The following ZNF385D variants were observed in gnomAD, a reference collection of about 807,000 sequenced individuals.
The protein encoded by ZNF385D is zinc finger protein 385D, also known as zinc finger protein 659.
In ZNF385D, 15 loss-of-function variants were observed where a neutral mutation model predicts 35.8. The observed-to-expected ratio is 0.42, with a 90% CI of 0.28 to 0.64. The LOEUF (loss-of-function observed/expected upper bound fraction) is 0.64. ZNF385D is among the 30% of genes least tolerant of loss of function. The pLI, the probability that ZNF385D is intolerant of heterozygous loss-of-function variation, is 0.23. For missense variants in ZNF385D, 474 were observed against 494.6 expected (o/e 0.96, Z 0.39); for synonymous variants, 212 against 186.8 (o/e 1.13, Z -1.10).
At chr3:22,066,009 T>G (rs562025672) in intron 3 of ZNF385D, among the ~76,000 whole-genome samples, 94 of 152,144 alleles carry the variant, frequency 6.2e-4, no homozygotes, top group African/African-American at 2.1e-3. Context: ...AAGTGAAAAT[T>G]ATCAAAAAAT....
intron 3 of ZNF385D, among the ~76,000 whole-genome samples, chr3:21,804,398 G>A (rs760589430): frequency 8.5e-5 from 13 of 152,100 alleles, no homozygotes; most frequent in Non-Finnish European, 1.8e-4. Context: ...GGACAGTAAC[G>A]TTTTCAAGAA....
intron 2 of ZNF385D, among the ~76,000 whole-genome samples, chr3:22,191,040 ATTGT>A (rs1380210950): frequency 6.6e-6 from 1 of 152,162 alleles, no homozygotes; most frequent in Non-Finnish European, 1.5e-5. Flanking sequence ...GGCAGTAATT[ATTGT>A]TTAACATGGT....
At chr3:21,815,898 A>G (rs567958877) in intron 3 of ZNF385D, among the ~76,000 whole-genome samples, 73 of 152,326 alleles carry the variant, frequency 4.8e-4, no homozygotes, top group Middle Eastern at 3.4e-3. Context: ...TTTTAGACCA[A>G]TATCCCTGAT....
chr3:22,176,099 A>C lies in ZNF385D; in HGVS notation c.107-7064T>G, dbSNP rs995806399. ...AGTGCAGTGTGAATTTAAAATTAAA[A>C]CTACAGCATCTGGAAATTCCCAAGA... On this transcript the variant is annotated intron_variant, in intron 2 of 5. Transcript: ENST00000494108. Among the ~76,000 whole-genome samples the C allele has an allele frequency of 2.0e-5, 3 of 147,370 alleles. No homozygotes were observed. In the South Asian group the frequency reaches 6.2e-4, roughly 31 times the overall value.
chr3:22,004,714 A>C (rs1220131553), intron 3 of ZNF385D, among the ~76,000 whole-genome samples: 1 of 152,172 alleles, frequency 6.6e-6, no homozygotes, highest in Non-Finnish European at 1.5e-5. Context: ...CACTGAGATA[A>C]ATGCATATCT....
chr3:22,089,286 T>C (rs1374593351), intron 3 of ZNF385D, among the ~76,000 whole-genome samples: 1 of 152,324 alleles, frequency 6.6e-6, no homozygotes, highest in Non-Finnish European at 1.5e-5. Context: ...TCTGTAAATA[T>C]AATCCTAATA....
intron 3 of ZNF385D, among the ~76,000 whole-genome samples, chr3:21,914,467 T>C (rs1055896584): frequency 9.9e-5 from 15 of 151,834 alleles, no homozygotes; most frequent in African/African-American, 2.4e-4. Flanking sequence ...TCTCATTTGA[T>C]TGTGTTCCTA....
At chr3:21,715,984 C>T (rs7624104) in intron 1 of ZNF385D, among the ~76,000 whole-genome samples, 102,509 of 151,984 alleles carry the variant, frequency 0.67, 34,681 homozygotes, top group East Asian at 0.74. Context: ...TCTCAGGAAA[C>T]GGCAGCTTCA....
chr3:22,094,757 G>C (rs1202132481), intron 3 of ZNF385D, among the ~76,000 whole-genome samples: 2 of 152,048 alleles, frequency 1.3e-5, no homozygotes, highest in Non-Finnish European at 2.9e-5. Flanking sequence ...GTGTGATTTT[G>C]TGTCAAATGC....
At chr3:21,659,467 C>T (rs576654582) in intron 2 of ZNF385D, among the ~76,000 whole-genome samples, 33 of 152,106 alleles carry the variant, frequency 2.2e-4, no homozygotes, top group South Asian at 2.1e-4. Flanking sequence ...TCAGTTGAAA[C>T]GCAAGTGGTA....
intron 3 of ZNF385D, among the ~76,000 whole-genome samples, chr3:21,956,340 G>T (rs1702286852): frequency 6.6e-6 from 1 of 151,802 alleles, no homozygotes; most frequent in African/African-American, 2.4e-5. Context: ...TTACAAATGT[G>T]ATATTCCTCC....
Position 21,456,869 on chromosome 3 carries a change from T to C in ZNF385D, c.440-19666A>G, listed in dbSNP as rs147755393. 6.4e-4 allele frequency among the ~76,000 whole-genome samples: 97 copies of C among 152,296 alleles called. 1 individual carries two copies. The East Asian group carries it at 0.015, about 24-fold the overall frequency. ...GACTAACACCTTCTCAGTGAGGTTGTACACCATCACTCTGGATAAAATTGC... is the reference window on the plus strand; with the variant it reads ...GACTAACACCTTCTCAGTGAGGTTGCACACCATCACTCTGGATAAAATTGC... On this transcript the variant is annotated intron_variant, in intron 4 of 7. Transcript: ENST00000281523.
chr3:21,535,054 T>C lies in ZNF385D; in HGVS notation c.277-24031A>G, dbSNP rs1450502975. 3.3e-5 allele frequency among the ~76,000 whole-genome samples: 5 copies of C among 152,220 alleles called. No individual in the cohort carries two copies. The East Asian group carries it at 9.7e-4, about 29-fold the overall frequency. ...TCTAAAGAACACAGCAACAGGAATA[T>C]AATATCTTCTTAGCATTTAGGACTG... On this transcript the variant is annotated intron_variant, in intron 3 of 7. Coordinates refer to ENST00000281523, the MANE Select transcript of ZNF385D (RefSeq NM_024697.3).
intron 3 of ZNF385D, among the ~76,000 whole-genome samples, chr3:21,904,470 G>A (rs1307585756): frequency 6.6e-6 from 1 of 152,136 alleles, no homozygotes; most frequent in Non-Finnish European, 1.5e-5. Context: ...GCTAATTTCC[G>A]AAATACGTAA....
chr3:21,705,874 T>G (rs993212529), intron 1 of ZNF385D, among the ~76,000 whole-genome samples: 2 of 152,166 alleles, frequency 1.3e-5, no homozygotes, highest in Non-Finnish European at 2.9e-5. Flanking sequence ...CAGTACCCAG[T>G]AGCTCAATTC....
chr3:22,317,766 AT>A (rs1703981859), intron 2 of ZNF385D, among the ~76,000 whole-genome samples: 1 of 152,180 alleles, frequency 6.6e-6, no homozygotes. Flanking sequence ...CAGCTATTAA[AT>A]AATGTGAATC....
chr3:21,654,818 C>T (rs1397380505), intron 2 of ZNF385D, among the ~76,000 whole-genome samples: 1 of 152,026 alleles, frequency 6.6e-6, no homozygotes, highest in Non-Finnish European at 1.5e-5. Context: ...GTTCTCAGAT[C>T]AGTATGGGTC....
chr3:22,347,525 A>G (rs1444783801), intron 2 of ZNF385D, among the ~76,000 whole-genome samples: 2 of 152,198 alleles, frequency 1.3e-5, no homozygotes, highest in African/African-American at 4.8e-5. Context: ...ACAGTTTCAA[A>G]ACAATCAGAC....
intron 3 of ZNF385D, among the ~76,000 whole-genome samples, chr3:21,856,213 C>T (rs1304322011): frequency 6.6e-6 from 1 of 152,124 alleles, no homozygotes; most frequent in Non-Finnish European, 1.5e-5. Context: ...TCCTTGATCA[C>T]CGGTCATTTC....
Sources: gnomAD v4.1 joint callset for allele counts (sites outside exome capture counted in the v4.1 genomes callset) on GRCh38, gnomAD v4.1.1 for gene constraint, MANE v1.5 for transcripts, NCBI Gene and HGNC (gene_info 2026-07-23, HGNC 2026-07-21) for gene names.